ANKHD1: variants seen among roughly 807,000 people sequenced by gnomAD.
ANKHD1 encodes the protein ankyrin repeat and KH domain-containing protein 1.
In ANKHD1, 31 loss-of-function variants were observed where a neutral mutation model predicts 230.5. The observed-to-expected ratio is 0.13, with a 90% CI of 0.10 to 0.18. ANKHD1 has a LOEUF of 0.18. ANKHD1 is among the 10% of genes least tolerant of loss of function. The pLI is 1.00. For missense variants in ANKHD1, 2,256 were observed against 3,071.3 expected, an observed-to-expected ratio of 0.73 and a Z score of 6.27; for synonymous variants, 1,074 against 1,117.6, an observed-to-expected ratio of 0.96 and a Z score of 0.78.
rs944176525 is a variant in ANKHD1 at position 140,529,169 on chromosome 5, A to G, written c.6223A>G (p.Ser2075Gly). Residue 2075 changes from serine to glycine, a missense_variant, in exon 29 of 34, where the codon AGT becomes GGT. By Grantham distance (56) the Ser-to-Gly change is moderately conservative. Transcript: ENST00000360839. ...ATCCAGTAGTCCCACTCCTACTTCC[A>G]GTAACACACAAGAGGAGGCACAGCC... ...HPSSSPTPTS[S>G]NTQEEAQPSS... 4.3e-6 allele frequency: 7 copies of G among 1,614,098 alleles called. No homozygotes were observed. Among genetic ancestry groups the G allele is most frequent in the African/African-American group, 2.7e-5 (2 of 74,946 alleles).
chr5:140,497,877 C>CCACACACACACACA (rs36224738), intron 15 of ANKHD1, among the ~76,000 whole-genome samples: 6 of 144,516 alleles, frequency 4.2e-5, no homozygotes, highest in East Asian at 4.0e-4. Flanking sequence ...CCACACCACA[C>CCACACACACACACA]CACACACACA....
chr5:140,526,785 C>A (rs1753625454), intron 26 of ANKHD1, 143 bp from the exon 27 acceptor site: 3 of 1,211,640 alleles, frequency 2.5e-6, no homozygotes, highest in Non-Finnish European at 2.2e-6. Flanking sequence ...TGCTCTATTT[C>A]TGTTTTTCTG....
intron 1 of ANKHD1, among the ~76,000 whole-genome samples, chr5:140,410,902 A>T (rs1428249687): frequency 1.3e-5 from 2 of 152,200 alleles, no homozygotes; most frequent in Admixed American, 1.3e-4. Context: ...AGAGTAATGA[A>T]TCTAAAAAAC....
At chr5:140,483,452 CTTTTTTTTTTTTT>C (rs369245406) in intron 11 of ANKHD1, among the ~76,000 whole-genome samples, 1 of 110,610 alleles carries the variant, frequency 9.0e-6, no homozygotes, top group South Asian at 2.9e-4. Context: ...AAGATTTTAT[CTTTTTTTTTTTTT>C]TTTTTTTTTG....
intron 10 of ANKHD1, among the ~76,000 whole-genome samples, chr5:140,468,157 C>T (rs936018145): frequency 7.6e-6 from 1 of 130,744 alleles, no homozygotes. Flanking sequence ...TCACTGCAAC[C>T]TTCTCCTCCT....
Position 140,535,494 on chromosome 5 carries a change from GAC to G in ANKHD1, c.6985_6986del (p.Gln2329ThrfsTer116). 6.2e-7 allele frequency: 1 copy of G among 1,612,438 alleles called. No homozygotes were observed. Among genetic ancestry groups the G allele is most frequent in the Non-Finnish European group, 8.5e-7 (1 of 1,179,494 alleles). The stretch of plus-strand genomic sequence containing the variant: ...CCTGTTGGGACTCCTAGTTTCAACA[GAC>G]AACATTTTTCTCCCCATCCTTGGAC... On this transcript the variant is annotated frameshift_variant, in exon 30 of 34. Transcript: ENST00000360839. LOFTEE classifies it high-confidence loss of function.
At chr5:140,455,594 A>G (rs1054586512) in intron 7 of ANKHD1, among the ~76,000 whole-genome samples, 1 of 152,226 alleles carries the variant, frequency 6.6e-6, no homozygotes, top group African/African-American at 2.4e-5. Context: ...CAGCATATAA[A>G]CAGAACCAAA....
At chr5:140,513,863 G>A (rs1388762281) in intron 24 of ANKHD1, among the ~76,000 whole-genome samples, 1 of 151,046 alleles carries the variant, frequency 6.6e-6, no homozygotes, top group African/African-American at 2.4e-5. Flanking sequence ...GCTCACACCT[G>A]TAATCCCAGC....
Position 140,482,569 on chromosome 5 carries a change from T to G in ANKHD1, c.1783-11T>G. The G allele has an allele frequency of 6.2e-7, 1 of 1,611,318 alleles. No individual in the cohort carries two copies. Among genetic ancestry groups the G allele is most frequent in the Non-Finnish European group, 8.5e-7 (1 of 1,179,048 alleles). ...GGCATTGATGGATTATTTTTTCCAT[T>G]TCTTTAACAGGAACATGAATCTGAA... On this transcript the variant is annotated splice_polypyrimidine_tract_variant and intron_variant, in intron 10 of 33. Transcript: ENST00000360839.
intron 9 of ANKHD1, among the ~76,000 whole-genome samples, chr5:140,459,991 T>A (rs1397140472): frequency 6.6e-6 from 1 of 152,176 alleles, no homozygotes; most frequent in Non-Finnish European, 1.5e-5. Context: ...CTCGTTCACC[T>A]TCTTTCTCCG....
intron 14 of ANKHD1, among the ~76,000 whole-genome samples, chr5:140,491,403 G>T (rs1043022189): frequency 6.6e-6 from 1 of 151,690 alleles, no homozygotes; most frequent in African/African-American, 2.4e-5. Flanking sequence ...GAGCTCAAGA[G>T]ATCTGCCCGA....
chr5:140,493,980 T>C (rs1306090924), intron 14 of ANKHD1, among the ~76,000 whole-genome samples: 1 of 152,222 alleles, frequency 6.6e-6, no homozygotes, highest in Non-Finnish European at 1.5e-5. Flanking sequence ...GTTGAACTCT[T>C]ACCTAGTTTT....
At chr5:140,468,524 A>C (rs191150868) in intron 10 of ANKHD1, among the ~76,000 whole-genome samples, 159 of 152,284 alleles carry the variant, frequency 1.0e-3, no homozygotes, top group African/African-American at 3.6e-3. Flanking sequence ...GACCTCCCTT[A>C]ATAGAAAGAA....
chr5:140,492,509 A>G (rs1263407875), intron 14 of ANKHD1, among the ~76,000 whole-genome samples: 10 of 152,252 alleles, frequency 6.6e-5, no homozygotes, highest in African/African-American at 2.4e-4. Context: ...ATTGAAGCCC[A>G]GGACACATCA....
At chr5:140,488,221 G>T (rs191174576) in intron 14 of ANKHD1, among the ~76,000 whole-genome samples, 1 of 151,922 alleles carries the variant, frequency 6.6e-6, no homozygotes, top group Non-Finnish European at 1.5e-5. Context: ...TGTTTTCTTT[G>T]GGGGGGAGTT....
At chr5:140,442,511 C>T (rs998656054) in intron 5 of ANKHD1, among the ~76,000 whole-genome samples, 15 of 152,020 alleles carry the variant, frequency 9.9e-5, no homozygotes, top group South Asian at 4.1e-4. Context: ...ATCCCTCGCC[C>T]GTCATTTATT....
At chr5:140,522,951 T>C (rs1308914622) in intron 24 of ANKHD1, among the ~76,000 whole-genome samples, 3 of 152,184 alleles carry the variant, frequency 2.0e-5, no homozygotes, top group African/African-American at 7.2e-5. Flanking sequence ...TCTGTGCTTA[T>C]TGGTCATTTG....
chr5:140,539,500 T>G lies in ANKHD1; in HGVS notation c.*82T>G, dbSNP rs950649990. On this transcript the variant is annotated 3_prime_UTR_variant, in exon 34 of 34. Coordinates refer to ENST00000360839, the MANE Select transcript of ANKHD1 (RefSeq NM_017747.3). The stretch of plus-strand genomic sequence containing the variant: ...CATGGGGATTTTTTTTTAATGTGCC[T>G]AAGAAATTTTCTCTGAGGCTTTAGC... 2.7e-6 allele frequency: 4 copies of G among 1,471,270 alleles called. No homozygotes were observed. The highest frequency in any genetic ancestry group is 3.7e-6 in the Non-Finnish European group (4 of 1,081,322). 91.1% of individuals were successfully genotyped at this position (1,471,270 alleles called of 1,614,324 possible). A position where few individuals can be genotyped will look rare whatever the true frequency, so the allele number is the denominator to read the frequency against.
intron 15 of ANKHD1, among the ~76,000 whole-genome samples, chr5:140,500,984 G>A (rs1271490428): frequency 6.6e-6 from 1 of 152,018 alleles, no homozygotes; most frequent in Non-Finnish European, 1.5e-5. Flanking sequence ...CTCTGTAGTA[G>A]TGAATATAGG....
Sources: gnomAD v4.1 joint callset for allele counts (sites outside exome capture counted in the v4.1 genomes callset) on GRCh38, gnomAD v4.1.1 for gene constraint, MANE v1.5 for transcripts, NCBI Gene and HGNC (gene_info 2026-07-23, HGNC 2026-07-21) for gene names.